The following PHRF1 variants were observed in gnomAD, a reference collection of about 807,000 sequenced individuals.
PHRF1 encodes the protein PHD and ring finger domains 1.
A neutral mutation model predicts 128.9 loss-of-function variants in PHRF1; 53 were observed. The observed-to-expected ratio is 0.41, with a 90% CI of 0.33 to 0.52. The LOEUF (loss-of-function observed/expected upper bound fraction) is 0.52. Among genes scored for constraint, PHRF1 ranks in the 20% least tolerant of loss-of-function variants. The pLI, the probability that PHRF1 is intolerant of heterozygous loss-of-function variation, is 0.21. For synonymous variants in PHRF1, 1,178 were observed against 980.6 expected (o/e 1.20, Z -3.76); for missense variants, 2,503 against 2,284.5 (o/e 1.10, Z -1.95).
chr11:601,561 C>A lies in PHRF1; in HGVS notation c.1025-13C>A. 6.2e-7 allele frequency: 1 copy of A among 1,613,520 alleles called. No individual in the cohort carries two copies. On this transcript the variant is annotated splice_polypyrimidine_tract_variant and intron_variant, in intron 9 of 17. Coordinates refer to ENST00000264555, the MANE Select transcript of PHRF1 (RefSeq NM_001286581.2). Reference sequence around the variant, plus strand: ...AGCACAGAGAAGCACAGACTTCAACCTCTTTTCCTTAGGAAGACGGAAGAA... The same window carrying A: ...AGCACAGAGAAGCACAGACTTCAACATCTTTTCCTTAGGAAGACGGAAGAA...
chr11:605,454 C>A, intron 11 of PHRF1, 151 bp from the exon 12 acceptor site: 2 of 1,456,496 alleles, frequency 1.4e-6, no homozygotes, highest in Admixed American at 2.2e-5. Flanking sequence ...AGGTGGGTGG[C>A]GTGGAACTCA....
Position 598,487 on chromosome 11 carries a change from C to T in PHRF1, c.1009C>T (p.Arg337Trp), listed in dbSNP as rs368390894. Reference sequence around the variant, plus strand: ...CCTGACGCCGCGCACTCCCGCCCGACGGAAGAGGAAGACAAGTAAGCCTGA... The same window carrying T: ...CCTGACGCCGCGCACTCCCGCCCGATGGAAGAGGAAGACAAGTAAGCCTGA... ...RPLTPRTPAR[R>W]KRKTRRRKKV... The change falls in exon 9 of 18, where the codon CGG (arginine) becomes TGG (tryptophan). Residue 337 changes from arginine (R) to tryptophan (W), a missense_variant. Coordinates refer to ENST00000264555, the MANE Select transcript of PHRF1 (RefSeq NM_001286581.2). The T allele has an allele frequency of 9.9e-6, 16 of 1,608,952 alleles. No homozygotes were observed. Among genetic ancestry groups the T allele is most frequent in the South Asian group, 4.4e-5 (4 of 90,812 alleles).
At position 601,665 on chromosome 11, in the gene PHRF1, A is replaced by G. The variant is rs1435652945; in HGVS notation, c.1116A>G (p.Gln372=). 9 of 1,613,724 alleles carry G rather than the reference A, an allele frequency of 5.6e-6. No individual in the cohort carries two copies. The highest frequency in any genetic ancestry group is 1.3e-5 in the African/African-American group (1 of 74,928). The part of the protein sequence containing the change: ...KSSATRSKKR[Q]HRVKKRRGKK... The stretch of plus-strand genomic sequence containing the variant: ...CAGCGACAAGATCTAAGAAACGCCA[A>G]CATCGAGTGAAGAAGAGAAGAGGGA... The change falls in exon 10 of 18, where the codon CAA becomes CAG. Residue 372 remains glutamine (Q), a synonymous_variant. Coordinates refer to ENST00000264555, the MANE Select transcript of PHRF1 (RefSeq NM_001286581.2).
intron 3 of PHRF1, among the ~76,000 whole-genome samples, chr11:585,965 G>C (rs1157266906): frequency 6.6e-6 from 1 of 151,656 alleles, no homozygotes; most frequent in Non-Finnish European, 1.5e-5. Context: ...AGGTTCAAGC[G>C]ATTCTCCTGT....
In PHRF1 at chr11:610,321, G is replaced by A. The variant is rs774033686; in HGVS notation, c.4390G>A (p.Gly1464Arg). ...PFPSHVLPEPGFPDTDPSQVY... is the reference protein window; with the variant it reads ...PFPSHVLPEPRFPDTDPSQVY... ...TCCCAGTCACGTGCTTCCGGAACCC[G>A]GGTTCCCAGACACAGACCCCTCTCA... Residue 1464 changes from glycine (G) to arginine (R), a missense_variant, in exon 15 of 18, where the codon GGG becomes AGG. Transcript: ENST00000264555. 6.8e-5 allele frequency: 107 copies of A among 1,565,960 alleles called. No individual in the cohort carries two copies. Among genetic ancestry groups the A allele is most frequent in the Non-Finnish European group, 8.3e-5 (96 of 1,155,682 alleles).
In PHRF1 at chr11:607,150, C is replaced by T. The variant is rs1245984892; in HGVS notation, c.1694C>T (p.Pro565Leu). 6.2e-7 allele frequency: 1 copy of T among 1,612,854 alleles called. No homozygotes were observed. Among genetic ancestry groups the T allele is most frequent in the African/African-American group, 1.3e-5 (1 of 74,936 alleles). ...GGCTGCCTGCAGCCCCGAGCACTGC[C>T]CTCCGGGAGCCCGGCCCAAGGCCCG... ...FKGCLQPRAL[P>L]SGSPAQGPSG... Residue 565 changes from proline to leucine, a missense_variant, in exon 14 of 18, where the codon CCC (proline) becomes CTC (leucine). Transcript: ENST00000264555.
chr11:601,778 C>T, intron 10 of PHRF1, 77 bp downstream of exon 10: 1 of 1,577,654 alleles, frequency 6.3e-7, no homozygotes, highest in African/African-American at 1.4e-5. Context: ...GGGCCTAAGC[C>T]TCCCGCTGGC....
chr11:578,382 A>C (rs1854008552), intron 1 of PHRF1, among the ~76,000 whole-genome samples: 1 of 152,108 alleles, frequency 6.6e-6, no homozygotes, highest in Non-Finnish European at 1.5e-5. Flanking sequence ...GTCTTCCCTC[A>C]CCAGCTGTGG....
intron 3 of PHRF1, among the ~76,000 whole-genome samples, chr11:586,555 C>G (rs1004655302): frequency 3.9e-5 from 6 of 152,214 alleles, no homozygotes; most frequent in African/African-American, 1.2e-4. Flanking sequence ...TGCTCCTCTT[C>G]CCATGTGAAC....
At chr11:595,506 A>G (rs1305902814) in intron 6 of PHRF1, among the ~76,000 whole-genome samples, 1 of 152,186 alleles carries the variant, frequency 6.6e-6, no homozygotes, top group African/African-American at 2.4e-5. Context: ...CTTCAGCTGC[A>G]GGGCCACCAA....
At chr11:577,215 G>A (rs1441349484) in intron 1 of PHRF1, among the ~76,000 whole-genome samples, 1 of 152,218 alleles carries the variant, frequency 6.6e-6, no homozygotes, top group Non-Finnish European at 1.5e-5. Flanking sequence ...TTTTACAGAG[G>A]AGGGGATTGG....
rs1183661881 is a variant in PHRF1 at position 600,489 on chromosome 11, C to CAA, written c.1025-1081_1025-1080dup. Among the ~76,000 whole-genome samples the CAA allele has an allele frequency of 1.1e-3, 78 of 71,782 alleles. 1 individual carries two copies. The South Asian group carries it at 0.013, about 12-fold the overall frequency. 47.1% of individuals were successfully genotyped at this position (71,782 alleles called of 152,430 possible). A position where few individuals can be genotyped will look rare whatever the true frequency, so the allele number is the denominator to read the frequency against. ...GGGTGACAGAGTGAGACTCTGTCTC[C>CAA]AAAAATATATATATATATATATATA... On this transcript the variant is annotated intron_variant, in intron 9 of 17. Transcript: ENST00000264555.
In PHRF1 at chr11:610,339, C is replaced by T. The variant is rs760222586; in HGVS notation, c.4408C>T (p.Pro1470Ser). The T allele has an allele frequency of 2.6e-6, 4 of 1,563,824 alleles. No individual in the cohort carries two copies. In the South Asian group the frequency reaches 3.5e-5, roughly 14 times the overall value. ...GGAACCCGGGTTCCCAGACACAGAC[C>T]CCTCTCAGGTGGGTGTCTGGGCTGG... is the stretch of plus-strand genomic sequence containing the variant. ...LPEPGFPDTD[P>S]SQVYSPGLPP... Residue 1470 changes from proline to serine, a missense_variant, in exon 15 of 18, where the codon CCC (proline) becomes TCC (serine). Transcript: ENST00000264555.
chr11:608,466 A>G lies in PHRF1; in HGVS notation c.3010A>G (p.Lys1004Glu), dbSNP rs771775302. The G allele has an allele frequency of 6.8e-5, 110 of 1,612,502 alleles. No homozygotes were observed. The Middle Eastern group carries it at 1.7e-3, about 24-fold the overall frequency. ...RSTSSSRSRK[K>E]AKRKRVSREH... ...CACATCCAGCTCCCGCAGCAGGAAG[A>G]AGGCCAAGAGGAAGAGGGTGTCCAG... Residue 1004 changes from lysine to glutamate, a missense_variant, in exon 14 of 18, where the codon AAG becomes GAG. By Grantham distance (56) the Lys-to-Glu change is moderately conservative (BLOSUM62 1). Coordinates refer to ENST00000264555, the MANE Select transcript of PHRF1 (RefSeq NM_001286581.2).
intron 3 of PHRF1, among the ~76,000 whole-genome samples, chr11:586,847 G>A (rs1255944557): frequency 1.3e-5 from 2 of 152,114 alleles, no homozygotes; most frequent in Non-Finnish European, 2.9e-5. Context: ...AGAAGGGGGC[G>A]TTGGAAATGG....
At chr11:594,381 C>T (rs1160590986) in intron 6 of PHRF1, among the ~76,000 whole-genome samples, 2 of 152,236 alleles carry the variant, frequency 1.3e-5, no homozygotes, top group African/African-American at 4.8e-5. Flanking sequence ...CCAGTTTTCA[C>T]GCACAAAGCC....
chr11:590,807 G>A (rs760973745), intron 4 of PHRF1, among the ~76,000 whole-genome samples: 4 of 152,020 alleles, frequency 2.6e-5, no homozygotes, highest in Non-Finnish European at 4.4e-5. Flanking sequence ...GGGTTCAAAC[G>A]ATTCTCCTGC....
chr11:604,487 G>A (rs560026661), intron 10 of PHRF1, among the ~76,000 whole-genome samples: 1 of 152,290 alleles, frequency 6.6e-6, no homozygotes, highest in African/African-American at 2.4e-5. Context: ...CTAAATTTGT[G>A]TCATCTTCTC....
intron 4 of PHRF1, among the ~76,000 whole-genome samples, chr11:590,217 C>G (rs1298908365): frequency 6.6e-6 from 1 of 152,244 alleles, no homozygotes; most frequent in Non-Finnish European, 1.5e-5. Context: ...GAGGGCACCC[C>G]AGACTCCAGA....
Sources: gnomAD v4.1 joint callset for allele counts (sites outside exome capture counted in the v4.1 genomes callset) on GRCh38, gnomAD v4.1.1 for gene constraint, MANE v1.5 for transcripts, NCBI Gene and HGNC (gene_info 2026-07-23, HGNC 2026-07-21) for gene names.